Variants in DOCK1 observed in about 807,000 individuals in gnomAD.
DOCK1 encodes dedicator of cytokinesis protein 1.
In DOCK1, 138 loss-of-function variants were observed where a neutral mutation model predicts 262.7. The ratio of observed to expected loss-of-function variants is 0.53; its 90% CI spans 0.46 to 0.61. DOCK1 has a LOEUF of 0.61. DOCK1 is among the 20% of genes least tolerant of loss of function. The pLI, the probability that DOCK1 is intolerant of heterozygous loss-of-function variation, is 0.00. For missense variants in DOCK1, 1,908 were observed against 2,370.7 expected (o/e 0.80, Z 4.05); for synonymous variants, 866 against 867.4 (o/e 1.00, Z 0.03).
At chr10:127,342,744 A>G (rs941691803) in intron 30 of DOCK1, among the ~76,000 whole-genome samples, 4 of 151,898 alleles carry the variant, frequency 2.6e-5, no homozygotes, top group African/African-American at 9.7e-5. Flanking sequence ...GAGACCTACA[A>G]CTTTCTTCTT....
chr10:126,997,078 C>T (rs183029361), intron 7 of DOCK1, among the ~76,000 whole-genome samples, 195 bp downstream of exon 7: 34 of 152,178 alleles, frequency 2.2e-4, no homozygotes, highest in African/African-American at 7.9e-4. Context: ...GAAAGGGGGT[C>T]GGACAGCATT....
chr10:127,338,479 C>G (rs2063292599), intron 29 of DOCK1, among the ~76,000 whole-genome samples: 1 of 152,152 alleles, frequency 6.6e-6, no homozygotes, highest in Admixed American at 6.5e-5. Context: ...AACTTCTTCT[C>G]TAGTAAAATA....
At position 127,052,669 on chromosome 10, in the gene DOCK1, C is replaced by A; in HGVS notation, c.2202-12C>A. Reference sequence around the variant, plus strand: ...TCCTGAGCTTATTTGTGCGTGTTTGCATTGTGAATAGGAAGTTGACAAAAG... The same window carrying A: ...TCCTGAGCTTATTTGTGCGTGTTTGAATTGTGAATAGGAAGTTGACAAAAG... On this transcript the variant is annotated splice_polypyrimidine_tract_variant and intron_variant, in intron 21 of 51. Transcript: ENST00000623213. 6.2e-7 allele frequency: 1 copy of A among 1,613,904 alleles called. No individual in the cohort carries two copies. Among genetic ancestry groups the A allele is most frequent in the Non-Finnish European group, 8.5e-7 (1 of 1,179,868 alleles).
intron 29 of DOCK1, among the ~76,000 whole-genome samples, chr10:127,303,370 T>G (rs2061756778): frequency 6.6e-6 from 1 of 152,182 alleles, no homozygotes; most frequent in African/African-American, 2.4e-5. Context: ...CCAAACTCTC[T>G]TAGCAGGATA....
At chr10:127,057,310 A>G (rs1482720400) in intron 22 of DOCK1, among the ~76,000 whole-genome samples, 1 of 152,128 alleles carries the variant, frequency 6.6e-6, no homozygotes, top group Non-Finnish European at 1.5e-5. Context: ...AACTTTTGAG[A>G]TCTTATTTTT....
At chr10:126,974,020 C>G (rs995437489) in intron 2 of DOCK1, among the ~76,000 whole-genome samples, 1 of 152,142 alleles carries the variant, frequency 6.6e-6, no homozygotes, top group East Asian at 1.9e-4. Flanking sequence ...CTTGAGCTCA[C>G]GAAGGCTTAC....
chr10:127,445,406 G>T (rs931837518), intron 50 of DOCK1, among the ~76,000 whole-genome samples: 10 of 152,202 alleles, frequency 6.6e-5, no homozygotes, highest in African/African-American at 2.2e-4. Context: ...TGGGTGGGGA[G>T]GCTGGCTGCA....
At chr10:127,255,485 C>G (rs910760088) in intron 28 of DOCK1, among the ~76,000 whole-genome samples, 2 of 152,182 alleles carry the variant, frequency 1.3e-5, no homozygotes, top group Admixed American at 1.3e-4. Context: ...CCCTTGTTGA[C>G]TTGGAGACCC....
At chr10:127,207,542 T>C (rs886927857) in intron 27 of DOCK1, among the ~76,000 whole-genome samples, 2 of 152,224 alleles carry the variant, frequency 1.3e-5, no homozygotes, top group Non-Finnish European at 2.9e-5. Context: ...TTCATTCCTG[T>C]ACATATTGAG....
chr10:127,396,589 G>A (rs2066863681), intron 38 of DOCK1, among the ~76,000 whole-genome samples: 1 of 152,186 alleles, frequency 6.6e-6, no homozygotes, highest in Admixed American at 6.5e-5. Flanking sequence ...GCCAGTAGCT[G>A]CCTGTGGAAG....
chr10:127,262,030 ATG>A (rs779453508), intron 29 of DOCK1, among the ~76,000 whole-genome samples: 7,586 of 43,440 alleles, frequency 0.17, 427 homozygotes, highest in Non-Finnish European at 0.23. Flanking sequence ...ATGTGTGTGC[ATG>A]TGTGTGTGTG....
intron 46 of DOCK1, among the ~76,000 whole-genome samples, chr10:127,425,128 T>G (rs1428658670): frequency 6.6e-6 from 1 of 152,238 alleles, no homozygotes. Flanking sequence ...TTATAAATTA[T>G]TGAGAGGAAG....
intron 47 of DOCK1, among the ~76,000 whole-genome samples, chr10:127,430,785 A>T (rs1001565742): frequency 6.6e-6 from 1 of 151,814 alleles, no homozygotes. Context: ...AGTTCAGCCA[A>T]CCCCTTCAAC....
At chr10:126,970,864 T>C in intron 2 of DOCK1, 79 bp downstream of exon 2, 1 of 1,502,484 alleles carries the variant, frequency 6.7e-7, no homozygotes, top group South Asian at 1.2e-5. Flanking sequence ...GGGCAAAGCA[T>C]TCCTCTGTTA....
At position 126,946,797 on chromosome 10, in the gene DOCK1, T is replaced by G. The variant is rs889339177; in HGVS notation, c.47-23905T>G. Among the ~76,000 whole-genome samples, 541 of 152,330 alleles carry G rather than the reference T, an allele frequency of 3.6e-3. 2 individuals are homozygous for G. The highest frequency in any genetic ancestry group is 0.012 in the African/African-American group (502 of 41,568). ...CTGTATGCATTAGCCACATTTTGTT[T>G]AATTTGTTCATCTCTTGATGGACAC... On this transcript the variant is annotated intron_variant, in intron 1 of 51. Transcript: ENST00000623213.
At chr10:127,037,950 G>T (rs7085407) in intron 19 of DOCK1, 134 bp downstream of exon 19, 6 of 731,764 alleles carry the variant, frequency 8.2e-6, no homozygotes, top group South Asian at 2.2e-5. Context: ...TAGTGACATA[G>T]GGATTGGGTG....
At position 127,031,717 on chromosome 10, in the gene DOCK1, C is replaced by A. The variant is rs200438371; in HGVS notation, c.1692C>A (p.Thr564=). 3 of 1,613,234 alleles carry A rather than the reference C, an allele frequency of 1.9e-6. No homozygotes were observed. The highest frequency in any genetic ancestry group is 2.5e-6 in the Non-Finnish European group (3 of 1,179,792). The change falls in exon 17 of 52, where the codon ACC becomes ACA. Residue 564 remains threonine (T), a synonymous_variant. Transcript: ENST00000623213. ...FVKLMRYDGT[T]LRDGEHDLIV... ...AGCTGATGAGATACGATGGTACCACCCTGCGAGACGGAGAGCACGATCTTA... is the reference window on the plus strand; with the variant it reads ...AGCTGATGAGATACGATGGTACCACACTGCGAGACGGAGAGCACGATCTTA...
At chr10:127,001,461 C>A (rs1409222309) in intron 10 of DOCK1, 1 of 152,186 alleles carries the variant, frequency 6.6e-6, no homozygotes, top group Non-Finnish European at 1.5e-5. Flanking sequence ...ATTGACACAT[C>A]GTCGCCCTGT....
At chr10:127,011,594 C>A (rs147054144) in intron 11 of DOCK1, among the ~76,000 whole-genome samples, 89 of 152,334 alleles carry the variant, frequency 5.8e-4, no homozygotes, top group Non-Finnish European at 1.1e-3. Flanking sequence ...GCATCTGTCA[C>A]AGGCTCCTGG....
Sources: allele counts gnomAD v4.1 joint callset (sites outside exome capture counted in the v4.1 genomes callset), GRCh38; gene constraint gnomAD v4.1.1; transcripts MANE v1.5; gene names NCBI Gene and HGNC (gene_info 2026-07-23, HGNC 2026-07-21).